SYNE2: variants seen among roughly 807,000 people sequenced by gnomAD.
The protein encoded by SYNE2 is spectrin repeat containing nuclear envelope protein 2.
Under a neutral mutation model 856.3 loss-of-function variants are expected in SYNE2, and 431 were observed. That is an observed-to-expected ratio of 0.50 (90% CI 0.47 to 0.55). The LOEUF is 0.55. Ranked by LOEUF, SYNE2 falls within the 20% of genes least tolerant of loss-of-function variation. SYNE2 has a pLI of 0.00. For missense variants in SYNE2, 8,129 were observed against 8,023.2 expected (o/e 1.01, Z -0.50); for synonymous variants, 2,923 against 2,872.3 (o/e 1.02, Z -0.56).
At chr14:64,033,505 C>A (rs2097058633) in intron 45 of SYNE2, among the ~76,000 whole-genome samples, 1 of 127,926 alleles carries the variant, frequency 7.8e-6, no homozygotes. Context: ...ATGGTGAAAC[C>A]CAGTCTCTAC....
Position 64,000,601 on chromosome 14 carries a change from G to A in SYNE2, c.3520G>A (p.Glu1174Lys). 6.2e-7 allele frequency: 1 copy of A among 1,613,498 alleles called. No homozygotes were observed. The highest frequency in any genetic ancestry group is 8.5e-7 in the Non-Finnish European group (1 of 1,179,738). The change falls in exon 28 of 116, where the codon GAA becomes AAA. Residue 1174 changes from glutamate (E) to lysine (K), a missense_variant. This residue lies in a region of SYNE2 where 2,422 missense variants were observed against 2,357.4 expected (regional missense o/e 1.03). Coordinates refer to ENST00000555002, the MANE Select transcript of SYNE2 (RefSeq NM_182914.3). Reference protein sequence around the residue: ...NETDARWKEFEIISLKLENHV... With the variant: ...NETDARWKEFKIISLKLENHV... Reference sequence around the variant, plus strand: ...AACTGATGCTCGCTGGAAAGAGTTTGAAATTATTTCATTGAAGTTAGAAAA... The same window carrying A: ...AACTGATGCTCGCTGGAAAGAGTTTAAAATTATTTCATTGAAGTTAGAAAA...
intron 1 of SYNE2, among the ~76,000 whole-genome samples, chr14:63,847,059 C>T (rs897669575): frequency 1.3e-5 from 2 of 151,562 alleles, no homozygotes; most frequent in Non-Finnish European, 2.9e-5. Flanking sequence ...CCGGCTCAAG[C>T]GATCCTCCTG....
Position 64,000,731 on chromosome 14 carries a change from A to T in SYNE2, c.3638+12A>T. 6.2e-7 allele frequency: 1 copy of T among 1,607,832 alleles called. No homozygotes were observed. Among genetic ancestry groups the T allele is most frequent in the Non-Finnish European group, 8.5e-7 (1 of 1,176,974 alleles). On this transcript the variant is annotated intron_variant, in intron 28 of 115. Transcript: ENST00000555002. ...ACTCTTAATACCAGGTAAAATTCTG[A>T]GATCTATTAACTATGAATCTAATAA...
intron 1 of SYNE2, among the ~76,000 whole-genome samples, chr14:63,815,814 G>A (rs890752144): frequency 6.6e-6 from 1 of 152,064 alleles, no homozygotes; most frequent in Non-Finnish European, 1.5e-5. Flanking sequence ...CAAATTACAA[G>A]ATATGCTTCA....
At chr14:63,780,394 C>T (rs150958938) in intron 1 of SYNE2, among the ~76,000 whole-genome samples, 1 of 152,172 alleles carries the variant, frequency 6.6e-6, no homozygotes, top group Non-Finnish European at 1.5e-5. Context: ...CTTAGCTGGG[C>T]ATGGTGGCAG....
In SYNE2 at chr14:64,221,667, A is replaced by G; in HGVS notation, c.20153A>G (p.Asp6718Gly). ...QKAHVTDPKA[D>G]PRALLECRRE... is the part of the protein sequence containing the mutation. ...GCTCATGTCACCGATCCAAAGGCAG[A>G]CCCCCGGGCTCTCCTAGAGTGTCGG... The change falls in exon 112 of 116, where the codon GAC becomes GGC. Residue 6718 changes from aspartate to glycine, a missense_variant. Around this residue, in one of 3 missense-constraint regions of SYNE2, gnomAD observed 5,410 missense variants for 5,284.8 expected, o/e 1.02. Coordinates refer to ENST00000555002, the MANE Select transcript of SYNE2 (RefSeq NM_182914.3). 6.2e-7 allele frequency: 1 copy of G among 1,613,906 alleles called. No homozygotes were observed. Among genetic ancestry groups the G allele is most frequent in the Non-Finnish European group, 8.5e-7 (1 of 1,179,988 alleles).
intron 25 of SYNE2, among the ~76,000 whole-genome samples, chr14:63,998,006 C>T (rs1476110296): frequency 6.6e-6 from 1 of 152,158 alleles, no homozygotes; most frequent in African/African-American, 2.4e-5. Flanking sequence ...GGGAGTCTTC[C>T]TTTACCATGC....
At position 64,119,350 on chromosome 14, in the gene SYNE2, T is replaced by G. The variant is rs1353387341; in HGVS notation, c.12841-77T>G. 3 of 1,569,652 alleles carry G rather than the reference T, an allele frequency of 1.9e-6. No individual in the cohort carries two copies. The East Asian group carries it at 6.7e-5, about 35-fold the overall frequency. Reference sequence around the variant, plus strand: ...CTTGTATACACTTAAGTAAAAAGAGTAAGTCTTAACTTGTTTGCAGGCACA... The same window carrying G: ...CTTGTATACACTTAAGTAAAAAGAGGAAGTCTTAACTTGTTTGCAGGCACA... On this transcript the variant is annotated intron_variant, in intron 66 of 115. Transcript: ENST00000555002.
At chr14:64,190,467 A>G (rs770642692) in intron 99 of SYNE2, 34 of 649,624 alleles carry the variant, frequency 5.2e-5, no homozygotes, top group Non-Finnish European at 8.7e-5. Flanking sequence ...TACATGAATT[A>G]GAGTAGTTTT....
At chr14:64,014,459 C>G (rs1375965187) in intron 32 of SYNE2, among the ~76,000 whole-genome samples, 1 of 152,088 alleles carries the variant, frequency 6.6e-6, no homozygotes, top group Non-Finnish European at 1.5e-5. Flanking sequence ...TGGAGTCTTG[C>G]TCTGTTGCCC....
At position 64,010,076 on chromosome 14, in the gene SYNE2, C is replaced by T. The variant is rs748713876; in HGVS notation, c.4688C>T (p.Ser1563Leu). ...GAGAGTGTCATCTCCCTGCAGGCTT[C>T]GTACATGGGAAAGGAGAACCTGAAG... is the stretch of plus-strand genomic sequence containing the variant. The part of the protein sequence containing the change: ...KEESVISLQA[S>L]YMGKENLKKR... Residue 1563 changes from serine (S) to leucine (L), a missense_variant, in exon 32 of 116, where the codon TCG becomes TTG. Around this residue, in one of 3 missense-constraint regions of SYNE2, gnomAD observed 2,422 missense variants for 2,357.4 expected, o/e 1.03. Transcript: ENST00000555002. The T allele has an allele frequency of 6.2e-6, 10 of 1,613,620 alleles. No homozygotes were observed. Among genetic ancestry groups the T allele is most frequent in the South Asian group, 4.4e-5 (4 of 91,016 alleles).
chr14:64,055,273 C>G (rs934928850), intron 48 of SYNE2, among the ~76,000 whole-genome samples: 157 of 151,730 alleles, frequency 1.0e-3, no homozygotes, highest in African/African-American at 3.6e-3. Flanking sequence ...TAGTCTAGTA[C>G]AAGAGTTCCA....
At chr14:64,077,363 G>A (rs2153607781) in intron 54 of SYNE2, among the ~76,000 whole-genome samples, 1 of 139,368 alleles carries the variant, frequency 7.2e-6, no homozygotes, top group Non-Finnish European at 1.5e-5. Flanking sequence ...GCCATGAAAA[G>A]CTAATATGGA....
chr14:64,053,379 G>T lies in SYNE2; in HGVS notation c.9466G>T (p.Asp3156Tyr), dbSNP rs766220397. The T allele has an allele frequency of 3.7e-6, 6 of 1,613,710 alleles. No homozygotes were observed. In the East Asian group the frequency reaches 1.3e-4, roughly 36 times the overall value. The change falls in exon 48 of 116, where the codon GAC becomes TAC. Residue 3156 changes from aspartate to tyrosine, a missense_variant. Physicochemically the swap from Asp to Tyr is radical, Grantham distance 160 (BLOSUM62 -3). This residue lies in a region of SYNE2 where 5,410 missense variants were observed against 5,284.8 expected (regional missense o/e 1.02). Coordinates refer to ENST00000555002, the MANE Select transcript of SYNE2 (RefSeq NM_182914.3). ...AGAATTGGATGAAAAGAATTGTCAG[G>T]ACAAACTAGAAACTTCCTTACATGT... ...PKELDEKNCQ[D>Y]KLETSLHVLN...
At chr14:64,023,459 C>G (rs914216191) in intron 38 of SYNE2, 1 of 152,540 alleles carries the variant, frequency 6.6e-6, no homozygotes, top group Non-Finnish European at 1.5e-5. Flanking sequence ...GTGTTGAAAT[C>G]ATATTTGATA....
At chr14:63,940,551 G>A (rs1198634816) in intron 2 of SYNE2, 63 bp from the exon 3 acceptor site, 1 of 1,472,876 alleles carries the variant, frequency 6.8e-7, no homozygotes, top group African/African-American at 1.4e-5. Flanking sequence ...TTGAAGCTCT[G>A]ATATGTGCAG....
At chr14:64,172,527 C>T (rs184918036) in intron 94 of SYNE2, among the ~76,000 whole-genome samples, 65 of 152,214 alleles carry the variant, frequency 4.3e-4, no homozygotes, top group Non-Finnish European at 7.6e-4. Flanking sequence ...ATTCTTATCC[C>T]GAGAACAAGC....
chr14:64,165,192 C>A, intron 89 of SYNE2, 93 bp from the exon 90 acceptor site: 1 of 1,422,956 alleles, frequency 7.0e-7, no homozygotes, highest in Non-Finnish European at 9.9e-7. Flanking sequence ...TAGCCAAAAA[C>A]ATCTTGAATT....
At position 64,081,475 on chromosome 14, in the gene SYNE2, T is replaced by C. The variant is rs149391344; in HGVS notation, c.11379T>C (p.Leu3793=). The change falls in exon 57 of 116, where the codon CTT becomes CTC. Residue 3793 remains leucine, a synonymous_variant. Transcript: ENST00000555002. The part of the protein sequence containing the change: ...ATVKMEEYSD[L]LKSTEAWIEN... ...TTAAGATGGAGGAATATAGTGACCT[T>C]CTGAAGAGCACTGAGGCTTGGATAG... 6,486 of 1,614,176 alleles carry C rather than the reference T, an allele frequency of 4.0e-3. 24 individuals are homozygous for C. The highest frequency in any genetic ancestry group is 9.4e-3 in the Middle Eastern group (57 of 6,060).
Sources: gnomAD v4.1 joint callset for allele counts (sites outside exome capture counted in the v4.1 genomes callset) on GRCh38, gnomAD v4.1.1 for gene constraint, gnomAD v4.1.1 regional missense constraint, MANE v1.5 for transcripts, NCBI Gene and HGNC (gene_info 2026-07-23, HGNC 2026-07-21) for gene names.